KIF26B: variants seen among roughly 807,000 people sequenced by gnomAD.
The protein encoded by KIF26B is kinesin family member 26B.
KIF26B carries 63 observed loss-of-function variants against 151.2 expected under a neutral mutation model. The observed-to-expected ratio is 0.42, with a 90% CI of 0.34 to 0.51. The LOEUF is 0.51. Among genes scored for constraint, KIF26B ranks in the 20% least tolerant of loss-of-function variants. KIF26B has a pLI of 0.07. For synonymous variants in KIF26B, 1,357 were observed against 1,262.1 expected, an observed-to-expected ratio of 1.08 and a Z score of -1.59; for missense variants, 2,813 against 2,913.6, an observed-to-expected ratio of 0.97 and a Z score of 0.79.
At position 245,488,686 on chromosome 1, in the gene KIF26B, A is replaced by G. The variant is rs559541437; in HGVS notation, c.1167-52081A>G. ...ACTGAAGACTGGGGTCCGGGTTGTA[A>G]TGGAGACTTAGAGTTGAGTGAAGCA... On this transcript the variant is annotated intron_variant, in intron 4 of 14. Coordinates refer to ENST00000407071, the MANE Select transcript of KIF26B (RefSeq NM_018012.4). The surrounding 1 kb of genome is among the most constrained non-coding windows in gnomAD (Gnocchi z 4.6). Among the ~76,000 whole-genome samples the G allele has an allele frequency of 2.6e-5, 4 of 152,282 alleles. No individual in the cohort carries two copies. Among genetic ancestry groups the G allele is most frequent in the African/African-American group, 9.6e-5 (4 of 41,562 alleles).
chr1:245,319,454 G>T (rs1236278811), intron 2 of KIF26B, among the ~76,000 whole-genome samples: 2 of 151,754 alleles, frequency 1.3e-5, no homozygotes, highest in East Asian at 3.9e-4. Flanking sequence ...AAAACTTATT[G>T]TTGAGGTGAC....
chr1:245,419,737 C>G lies in KIF26B; in HGVS notation c.1158C>G (p.Phe386Leu), dbSNP rs1361745394. The part of the protein sequence containing the change: ...TSTGTSVAAS[F>L]FARAAQKLNL... Reference sequence around the variant, plus strand: ...CAGGCACATCGGTGGCCGCCTCCTTCTTTGCACGGTAAGAGAGCTGTTCAG... The same window carrying G: ...CAGGCACATCGGTGGCCGCCTCCTTGTTTGCACGGTAAGAGAGCTGTTCAG... The change falls in exon 4 of 15, where the codon TTC (phenylalanine) becomes TTG (leucine). Residue 386 changes from phenylalanine (F) to leucine (L), a missense_variant. Transcript: ENST00000407071. 1 of 1,611,406 alleles carries G rather than the reference C, an allele frequency of 6.2e-7. No homozygotes were observed. Among genetic ancestry groups the G allele is most frequent in the Admixed American group, 1.7e-5 (1 of 59,748 alleles).
At chr1:245,550,621 T>C (rs917896789) in intron 5 of KIF26B, among the ~76,000 whole-genome samples, 1 of 152,184 alleles carries the variant, frequency 6.6e-6, no homozygotes, top group African/African-American at 2.4e-5. Flanking sequence ...ACTGAGACCA[T>C]GCAGTGAGAT....
At chr1:245,565,958 G>A (rs972763500) in intron 5 of KIF26B, among the ~76,000 whole-genome samples, 1 of 152,230 alleles carries the variant, frequency 6.6e-6, no homozygotes, top group African/African-American at 2.4e-5. Flanking sequence ...CATGGCAAGA[G>A]TGGGAGCAAT....
intron 3 of KIF26B, among the ~76,000 whole-genome samples, chr1:245,385,479 G>A (rs1006893801): frequency 1.3e-5 from 2 of 152,194 alleles, no homozygotes; most frequent in Non-Finnish European, 2.9e-5. Context: ...GCGTTTGAAC[G>A]CTGTCTGGAG....
chr1:245,473,894 C>T (rs1213368841), intron 4 of KIF26B, among the ~76,000 whole-genome samples: 5 of 151,764 alleles, frequency 3.3e-5, no homozygotes, highest in Non-Finnish European at 5.9e-5. Context: ...TTTATTGATA[C>T]ATAATAGAGG....
intron 4 of KIF26B, among the ~76,000 whole-genome samples, chr1:245,513,135 C>T (rs1004828491): frequency 2.6e-5 from 4 of 151,512 alleles, no homozygotes; most frequent in African/African-American, 4.9e-5. Flanking sequence ...AGCAACCCCA[C>T]CCTCCTCCAC....
At chr1:245,545,079 A>G (rs1198790138) in intron 5 of KIF26B, among the ~76,000 whole-genome samples, 1 of 151,334 alleles carries the variant, frequency 6.6e-6, no homozygotes, top group Non-Finnish European at 1.5e-5. Flanking sequence ...CTCTGCCCCT[A>G]GAGCATTTCC....
intron 3 of KIF26B, among the ~76,000 whole-genome samples, chr1:245,379,899 C>T (rs898665675): frequency 4.0e-5 from 6 of 148,996 alleles, no homozygotes; most frequent in African/African-American, 7.5e-5. Flanking sequence ...TGAACCCGGG[C>T]GGCAGAGGTT....
intron 4 of KIF26B, among the ~76,000 whole-genome samples, chr1:245,433,013 G>C (rs1280770045): frequency 6.6e-6 from 1 of 152,182 alleles, no homozygotes; most frequent in Non-Finnish European, 1.5e-5. Flanking sequence ...ATTACTCTGT[G>C]ATGAATGCTT....
chr1:245,702,359 AG>A lies in KIF26B; in HGVS notation c.6179-95del. ...GCAAGCGAACTAGACCTTTAGACCA[AG>A]GGGTAGATGTGGGGGTGGCAGCTCC... On this transcript the variant is annotated intron_variant, in intron 14 of 14. Transcript: ENST00000407071. This position sits in a 1 kb window ranked among gnomAD's most constrained non-coding sequence, Gnocchi z 4.1. The A allele has an allele frequency of 7.4e-7, 1 of 1,345,420 alleles. No individual in the cohort carries two copies. Among genetic ancestry groups the A allele is most frequent in the Non-Finnish European group, 1.0e-6 (1 of 957,022 alleles). The allele number at this position is 1,345,420 out of a possible 1,614,324, so 83.3% of individuals were successfully genotyped here. A position where few individuals can be genotyped will look rare whatever the true frequency, so the allele number is the denominator to read the frequency against.
intron 8 of KIF26B, 58 bp downstream of exon 8, chr1:245,609,586 T>G: frequency 6.9e-7 from 1 of 1,447,000 alleles, no homozygotes; most frequent in Non-Finnish European, 9.1e-7. Flanking sequence ...CCTCAGAGGC[T>G]GGGGCAGCTC....
chr1:245,612,907 G>A (rs996788384), intron 9 of KIF26B, among the ~76,000 whole-genome samples: 1 of 152,114 alleles, frequency 6.6e-6, no homozygotes, highest in South Asian at 2.1e-4. Flanking sequence ...AAGTCAGCCC[G>A]GGCTGGGGTG....
chr1:245,690,748 G>A (rs992764862), intron 12 of KIF26B, among the ~76,000 whole-genome samples: 1 of 151,750 alleles, frequency 6.6e-6, no homozygotes, highest in East Asian at 1.9e-4. Context: ...CCTGGGGGGG[G>A]GGTATGCTTC....
chr1:245,632,780 C>T (rs12025753), intron 9 of KIF26B, among the ~76,000 whole-genome samples: 5,442 of 152,246 alleles, frequency 0.036, 122 homozygotes, highest in South Asian at 0.078. Flanking sequence ...TGGTGGCATG[C>T]ACCTGTAGTG....
chr1:245,251,811 G>A (rs1670450042), intron 2 of KIF26B, among the ~76,000 whole-genome samples: 1 of 151,946 alleles, frequency 6.6e-6, no homozygotes, highest in Non-Finnish European at 1.5e-5. Context: ...AGCATAAATT[G>A]TCCCCTGCCT....
At chr1:245,189,863 ATGG>A (rs1008572881) in intron 2 of KIF26B, among the ~76,000 whole-genome samples, 28 of 152,224 alleles carry the variant, frequency 1.8e-4, no homozygotes, top group African/African-American at 6.5e-4. Flanking sequence ...CCTCACAATC[ATGG>A]TGGAAGGTGA....
chr1:245,520,037 T>C (rs1661054757), intron 4 of KIF26B, among the ~76,000 whole-genome samples: 1 of 151,806 alleles, frequency 6.6e-6, no homozygotes, highest in Non-Finnish European at 1.5e-5. Context: ...ACCCTGAAAA[T>C]ATAATTTTGA....
At chr1:245,539,911 C>T (rs972446993) in intron 4 of KIF26B, among the ~76,000 whole-genome samples, 11 of 152,132 alleles carry the variant, frequency 7.2e-5, no homozygotes, top group Non-Finnish European at 1.0e-4. Context: ...CCTCGGCCTC[C>T]CAAAGTGCTG....
Sources: allele counts gnomAD v4.1 joint callset (sites outside exome capture counted in the v4.1 genomes callset), GRCh38; gene constraint gnomAD v4.1.1; non-coding constraint Gnocchi (gnomAD v3.1); transcripts MANE v1.5; gene names NCBI Gene and HGNC (gene_info 2026-07-23, HGNC 2026-07-21).